ZPLD1: variants seen among roughly 807,000 people sequenced by gnomAD.
ZPLD1 encodes the protein zona pellucida-like domain-containing protein 1.
A neutral mutation model predicts 47.2 loss-of-function variants in ZPLD1; 34 were observed. The ratio of observed to expected loss-of-function variants is 0.72; its 90% CI spans 0.55 to 0.96. ZPLD1 has a LOEUF of 0.96. ZPLD1 is among the 40% of genes least tolerant of loss of function. ZPLD1 has a pLI of 0.00. For missense variants in ZPLD1, 512 were observed against 505.8 expected (o/e 1.01, Z -0.12); for synonymous variants, 176 against 186.2 (o/e 0.95, Z 0.45).
rs758386702 is a variant in ZPLD1, at chr3:102,470,499, A to G, written c.1039A>G (p.Ser347Gly). ...CTCTGCTGGTCCCATCATTACTCGG[A>G]GTGGTAAGTGTGCTCCTCCTTCTGT... ...VLSAGPIITR[S>G]DETPTNNSQL... Residue 347 changes from serine (S) to glycine (G), a missense_variant, in exon 10 of 12, where the codon AGT becomes GGT. Physicochemically the swap from Ser to Gly is moderately conservative, Grantham distance 56. Transcript: ENST00000466937. The G allele has an allele frequency of 6.2e-7, 1 of 1,613,490 alleles. No individual in the cohort carries two copies. The highest frequency in any genetic ancestry group is 1.1e-5 in the South Asian group (1 of 91,036).
At chr3:102,472,440 G>C (rs1451373774) in intron 10 of ZPLD1, among the ~76,000 whole-genome samples, 1 of 151,900 alleles carries the variant, frequency 6.6e-6, no homozygotes, top group Non-Finnish European at 1.5e-5. Context: ...GCTGAGGCAG[G>C]AGAATTGCTT....
chr3:102,470,570 A>G, intron 10 of ZPLD1, 68 bp downstream of exon 10: 1 of 1,292,262 alleles, frequency 7.7e-7, no homozygotes. Flanking sequence ...TTGGCTTCTA[A>G]CGAGAACTCA....
intron 10 of ZPLD1, among the ~76,000 whole-genome samples, chr3:102,473,705 A>G (rs1707717699): frequency 6.6e-6 from 1 of 152,226 alleles, no homozygotes; most frequent in Admixed American, 6.5e-5. Context: ...TATGATATCC[A>G]TGAAAATATA....
intron 7 of ZPLD1, among the ~76,000 whole-genome samples, chr3:102,415,048 A>G (rs559397691): frequency 2.2e-4 from 33 of 151,998 alleles, no homozygotes; most frequent in African/African-American, 7.2e-4. Context: ...GAGCTGGGAA[A>G]TCGATTGTAC....
In ZPLD1 at chr3:102,477,774, G is replaced by T. The variant is rs904583371; in HGVS notation, c.*156G>T. ...GCTTGTCAGCATAATGATAGTGAAA[G>T]AAGTTTATTATATTGCTATTGTCAC... is the stretch of plus-strand genomic sequence containing the variant. On this transcript the variant is annotated 3_prime_UTR_variant, in exon 12 of 12. Transcript: ENST00000466937. 5 of 666,908 alleles carry T rather than the reference G, an allele frequency of 7.5e-6. No homozygotes were observed. The African/African-American group carries it at 9.4e-5, about 13-fold the overall frequency. 41.3% of individuals were successfully genotyped at this position (666,908 alleles called of 1,614,324 possible). A position where few individuals can be genotyped will look rare whatever the true frequency, so the allele number is the denominator to read the frequency against.
At chr3:102,392,984 T>C (rs1479774041) in intron 7 of ZPLD1, among the ~76,000 whole-genome samples, 1 of 152,216 alleles carries the variant, frequency 6.6e-6, no homozygotes, top group East Asian at 1.9e-4. Context: ...GATATCTGTT[T>C]ACATGCATAC....
chr3:102,449,309 C>T (rs905978851), intron 3 of ZPLD1, among the ~76,000 whole-genome samples: 5 of 152,212 alleles, frequency 3.3e-5, no homozygotes, highest in African/African-American at 4.8e-5. Context: ...TAGCTCTCCA[C>T]GCAATCTTTC....
At chr3:102,453,970 T>A (rs1707375875) in intron 4 of ZPLD1, among the ~76,000 whole-genome samples, 1 of 152,212 alleles carries the variant, frequency 6.6e-6, no homozygotes, top group African/African-American at 2.4e-5. Context: ...TTATTTTGCT[T>A]ATTTAAATAT....
chr3:102,398,539 A>G (rs1258679646), intron 7 of ZPLD1, among the ~76,000 whole-genome samples: 2 of 152,132 alleles, frequency 1.3e-5, no homozygotes, highest in Non-Finnish European at 2.9e-5. Context: ...TACTACCTCC[A>G]GAGACATCTT....
chr3:102,407,158 G>A (rs969747332), intron 7 of ZPLD1, among the ~76,000 whole-genome samples: 1 of 151,202 alleles, frequency 6.6e-6, no homozygotes, highest in African/African-American at 2.4e-5. Flanking sequence ...TTTAGTTAAT[G>A]GATGAAGCTG....
chr3:102,403,638 A>C (rs1009995875), intron 7 of ZPLD1, among the ~76,000 whole-genome samples: 3 of 151,998 alleles, frequency 2.0e-5, no homozygotes, highest in African/African-American at 7.2e-5. Context: ...TCATACCCTT[A>C]GATTCCTATA....
In ZPLD1 at chr3:102,455,123, T is replaced by C. The variant is rs77616095; in HGVS notation, c.328-1070T>C. Among the ~76,000 whole-genome samples, 660 of 152,344 alleles carry C rather than the reference T, an allele frequency of 4.3e-3. 3 individuals carry two copies. Among genetic ancestry groups the C allele is most frequent in the African/African-American group, 0.015 (622 of 41,564 alleles). The stretch of plus-strand genomic sequence containing the variant: ...ATTCTTGTCCCATTTATCAATTAAC[T>C]AGATAATTGCCACAGCTTTGCCCAT... On this transcript the variant is annotated intron_variant, in intron 4 of 11. Transcript: ENST00000466937.
intron 3 of ZPLD1, among the ~76,000 whole-genome samples, chr3:102,447,073 T>A (rs1331005927): frequency 6.6e-6 from 1 of 152,176 alleles, no homozygotes; most frequent in African/African-American, 2.4e-5. Flanking sequence ...ATCTCATCTT[T>A]TTTTTTCCTT....
At chr3:102,446,071 G>T (rs1007413079) in intron 3 of ZPLD1, among the ~76,000 whole-genome samples, 5 of 152,086 alleles carry the variant, frequency 3.3e-5, no homozygotes, top group African/African-American at 1.2e-4. Flanking sequence ...TACATATTTT[G>T]TTTGTAAATG....
chr3:102,451,924 A>C lies in ZPLD1; in HGVS notation c.107-995A>C, dbSNP rs1004072590. 5.3e-5 allele frequency among the ~76,000 whole-genome samples: 8 copies of C among 152,124 alleles called. No homozygotes were observed. The South Asian group carries it at 1.7e-3, about 32-fold the overall frequency. The stretch of plus-strand genomic sequence containing the variant: ...AACAACCTATTTCCAAATAAAGCCT[A>C]AGGTACTGAGGGTTAGGGCTTCAGC... On this transcript the variant is annotated intron_variant, in intron 3 of 11. Coordinates refer to ENST00000466937, the MANE Select transcript of ZPLD1 (RefSeq NM_001329788.2).
At chr3:102,390,511 C>G (rs1706483167) in intron 6 of ZPLD1, among the ~76,000 whole-genome samples, 1 of 152,158 alleles carries the variant, frequency 6.6e-6, no homozygotes, top group Non-Finnish European at 1.5e-5. Flanking sequence ...GTATTTAGAG[C>G]AAAGAGTATG....
intron 3 of ZPLD1, among the ~76,000 whole-genome samples, chr3:102,441,362 A>G (rs1707174647): frequency 6.6e-6 from 1 of 152,180 alleles, no homozygotes; most frequent in African/African-American, 2.4e-5. Context: ...CTAGTTGTTA[A>G]AAGTGGGGAC....
chr3:102,407,535 G>A (rs2107296470), intron 7 of ZPLD1, among the ~76,000 whole-genome samples: 1 of 147,884 alleles, frequency 6.8e-6, no homozygotes, highest in African/African-American at 2.5e-5. Flanking sequence ...TAAATCAGTA[G>A]AAAGCTACAA....
rs1332683337 is a variant in ZPLD1 at position 102,453,155 on chromosome 3, C to T, written c.327+16C>T. Reference sequence around the variant, plus strand: ...CAACCTGGTGGTAAGATTAGTGTGACATTGTGTGCTAGGTCTGGGGTCATA... The same window carrying T: ...CAACCTGGTGGTAAGATTAGTGTGATATTGTGTGCTAGGTCTGGGGTCATA... On this transcript the variant is annotated intron_variant, in intron 4 of 11. Coordinates refer to ENST00000466937, the MANE Select transcript of ZPLD1 (RefSeq NM_001329788.2). 7.5e-6 allele frequency: 12 copies of T among 1,607,496 alleles called. No individual in the cohort carries two copies. The highest frequency in any genetic ancestry group is 1.0e-5 in the Non-Finnish European group (12 of 1,174,400).
Sources: gnomAD v4.1 joint callset for allele counts (sites outside exome capture counted in the v4.1 genomes callset) on GRCh38, gnomAD v4.1.1 for gene constraint, MANE v1.5 for transcripts, NCBI Gene and HGNC (gene_info 2026-07-23, HGNC 2026-07-21) for gene names.